The following FBLN7 variants were observed in gnomAD, a reference collection of about 807,000 sequenced individuals.
FBLN7 encodes the protein fibulin 7.
A neutral mutation model predicts 44.0 loss-of-function variants in FBLN7; 31 were observed. That is an observed-to-expected ratio of 0.70 (90% confidence interval 0.53 to 0.95). The LOEUF is 0.95. Ranked by LOEUF, FBLN7 falls within the 40% of genes least tolerant of loss-of-function variation. FBLN7 has a pLI of 0.00. For synonymous variants in FBLN7, 262 were observed against 253.4 expected, an observed-to-expected ratio of 1.03 and a Z score of -0.32; for missense variants, 573 against 618.5, an observed-to-expected ratio of 0.93 and a Z score of 0.78.
the FBLN7 span, chr2:112,236,748 A>G: frequency 1.3e-6 from 2 of 1,502,478 alleles, no homozygotes; most frequent in African/African-American, 1.4e-5. Context: ...ATAGCAGTTT[A>G]CTTTTAAGAA....
chr2:112,196,505 G>A, the FBLN7 span, among the ~76,000 whole-genome samples: 21 of 149,584 alleles, frequency 1.4e-4, no homozygotes, highest in South Asian at 3.0e-3. Context: ...TCTCAGGCTC[G>A]CACGATCCTC....
intron 4 of FBLN7, chr2:112,176,873 T>C (rs1285834993): frequency 6.6e-6 from 1 of 151,552 alleles, no homozygotes; most frequent in Non-Finnish European, 1.5e-5. Flanking sequence ...GCCCTAAATA[T>C]GCCAGTCCTG....
At chr2:112,233,934 C>T in the FBLN7 span, among the ~76,000 whole-genome samples, 1 of 152,106 alleles carries the variant, frequency 6.6e-6, no homozygotes, top group Non-Finnish European at 1.5e-5. Context: ...CGTCGGCCTC[C>T]CAAACTGCTG....
At chr2:112,242,462 T>C in the FBLN7 span, among the ~76,000 whole-genome samples, 1 of 152,236 alleles carries the variant, frequency 6.6e-6, no homozygotes, top group Non-Finnish European at 1.5e-5. Flanking sequence ...CATCACTTCG[T>C]AGAGATGCTC....
chr2:112,145,021 T>C (rs954102081), intron 1 of FBLN7, among the ~76,000 whole-genome samples: 1 of 152,372 alleles, frequency 6.6e-6, no homozygotes, highest in African/African-American at 2.4e-5. Flanking sequence ...CGTAAGAAAC[T>C]GCCCAACTAT....
At chr2:112,154,455 G>A (rs115283843) in intron 1 of FBLN7, among the ~76,000 whole-genome samples, 2,330 of 152,296 alleles carry the variant, frequency 0.015, 56 homozygotes, top group African/African-American at 0.054. Flanking sequence ...CCTTCCTGGT[G>A]TGCAGGGGCC....
chr2:112,237,644 C>T, the FBLN7 span, among the ~76,000 whole-genome samples: 5 of 150,214 alleles, frequency 3.3e-5, no homozygotes, highest in African/African-American at 9.8e-5. Context: ...TGTGTGATCT[C>T]GGCTCACTGC....
the FBLN7 span, among the ~76,000 whole-genome samples, chr2:112,243,012 G>C: frequency 6.6e-6 from 1 of 152,180 alleles, no homozygotes; most frequent in African/African-American, 2.4e-5. Flanking sequence ...AAGAACAGCT[G>C]CTCAAAGATA....
At chr2:112,216,440 T>TA in the FBLN7 span, 1 of 152,256 alleles carries the variant, frequency 6.6e-6, no homozygotes, top group Admixed American at 6.5e-5. Context: ...GCATGGGCGT[T>TA]AAAGTACTCT....
At chr2:112,169,322 C>G (rs1234091773) in intron 3 of FBLN7, among the ~76,000 whole-genome samples, 1 of 152,080 alleles carries the variant, frequency 6.6e-6, no homozygotes. Context: ...AAAAAAACAG[C>G]AGGCGTAGGT....
chr2:112,160,933 C>A (rs971077479), intron 2 of FBLN7, among the ~76,000 whole-genome samples: 2 of 152,150 alleles, frequency 1.3e-5, no homozygotes, highest in African/African-American at 2.4e-5. Flanking sequence ...GTGCTTCAGG[C>A]GTGAAAGTGC....
chr2:112,235,210 C>G, the FBLN7 span, among the ~76,000 whole-genome samples: 2 of 152,168 alleles, frequency 1.3e-5, no homozygotes, highest in African/African-American at 2.4e-5. Context: ...GCTGACTGTA[C>G]AGTCATTTAT....
At chr2:112,178,373 C>A (rs1682832405) in intron 4 of FBLN7, among the ~76,000 whole-genome samples, 1 of 151,670 alleles carries the variant, frequency 6.6e-6, no homozygotes, top group Non-Finnish European at 1.5e-5. Flanking sequence ...GCCTACCAAC[C>A]AAAAAAAGCC....
intron 1 of FBLN7, 150 bp from the exon 2 acceptor site, chr2:112,159,526 C>T (rs1459067447): frequency 3.5e-6 from 3 of 848,108 alleles, no homozygotes; most frequent in Non-Finnish European, 5.1e-6. Flanking sequence ...GTACTTGGGG[C>T]TGTCCAGCGG....
chr2:112,242,752 C>G, the FBLN7 span, among the ~76,000 whole-genome samples: 1 of 152,088 alleles, frequency 6.6e-6, no homozygotes, highest in African/African-American at 2.4e-5. Flanking sequence ...AAGAGAGTAA[C>G]AGAAAAATTA....
At chr2:112,211,168 A>C in the FBLN7 span, among the ~76,000 whole-genome samples, 2 of 152,232 alleles carry the variant, frequency 1.3e-5, no homozygotes, top group Non-Finnish European at 2.9e-5. Flanking sequence ...GAAAGGGCCC[A>C]GTCTCTTTAA....
the FBLN7 span, among the ~76,000 whole-genome samples, chr2:112,219,516 T>C: frequency 2.0e-5 from 3 of 152,194 alleles, no homozygotes; most frequent in Admixed American, 6.5e-5. Flanking sequence ...CACAACACTA[T>C]TTACAACATT....
chr2:112,184,727 G>GTA (rs1307047289), intron 6 of FBLN7, among the ~76,000 whole-genome samples: 21 of 142,196 alleles, frequency 1.5e-4, no homozygotes, highest in Non-Finnish European at 1.5e-4. Context: ...GTATATATAT[G>GTA]TATATGGTAT....
intron 1 of FBLN7, among the ~76,000 whole-genome samples, chr2:112,142,276 C>T (rs1680684969): frequency 6.6e-6 from 1 of 152,206 alleles, no homozygotes; most frequent in African/African-American, 2.4e-5. Flanking sequence ...ACTCTCTCTA[C>T]TCTAAACAAG....
Sources: allele counts gnomAD v4.1 joint callset (sites outside exome capture counted in the v4.1 genomes callset), GRCh38; gene constraint gnomAD v4.1.1; transcripts MANE v1.5; gene names NCBI Gene and HGNC (gene_info 2026-07-23, HGNC 2026-07-21).